SEMA3E: variants seen among roughly 807,000 people sequenced by gnomAD.
The protein encoded by SEMA3E is semaphorin 3E, also known as semaphorin-3E.
SEMA3E carries 49 observed loss-of-function variants against 93.6 expected under a neutral mutation model. The observed-to-expected ratio is 0.52, with a 90% CI of 0.42 to 0.66. The LOEUF (loss-of-function observed/expected upper bound fraction) is 0.66. SEMA3E is among the 30% of genes least tolerant of loss of function. The pLI, the probability that SEMA3E is intolerant of heterozygous loss-of-function variation, is 0.00. For synonymous variants in SEMA3E, 363 were observed against 330.7 expected, an observed-to-expected ratio of 1.10 and a Z score of -1.06; for missense variants, 906 against 964.8, an observed-to-expected ratio of 0.94 and a Z score of 0.81.
At position 83,400,177 on chromosome 7, in the gene SEMA3E, C is replaced by T; in HGVS notation, c.1217G>A (p.Arg406Lys). 5.6e-6 allele frequency: 9 copies of T among 1,613,912 alleles called. No homozygotes were observed. The highest frequency in any genetic ancestry group is 7.6e-6 in the Non-Finnish European group (9 of 1,179,938). Residue 406 changes from arginine (R) to lysine (K), a missense_variant, in exon 11 of 17, where the codon AGA becomes AAA. Coordinates refer to ENST00000643230, the MANE Select transcript of SEMA3E (RefSeq NM_012431.3). The part of the protein sequence containing the change: ...DYPDDAIRFA[R>K]SHPLMYQAIK... ...GGCCTGGTACATTAGTGGATGACTT[C>T]TTGCAAATCGGATGGCATCATCAGG...
chr7:83,590,148 A>G (rs1055823132), intron 1 of SEMA3E, among the ~76,000 whole-genome samples: 4 of 152,196 alleles, frequency 2.6e-5, no homozygotes, highest in Admixed American at 2.0e-4. Flanking sequence ...TTTTCACTGT[A>G]AAATGTCAAA....
intron 1 of SEMA3E, among the ~76,000 whole-genome samples, chr7:83,577,289 A>G (rs534907691): frequency 3.3e-5 from 5 of 152,298 alleles, no homozygotes; most frequent in Middle Eastern, 3.4e-3. Flanking sequence ...AAAAATTTGG[A>G]CAGTTTTGAA....
intron 1 of SEMA3E, among the ~76,000 whole-genome samples, chr7:83,583,181 A>C (rs972752000): frequency 6.6e-6 from 1 of 152,156 alleles, no homozygotes; most frequent in African/African-American, 2.4e-5. Context: ...GACTACATGG[A>C]GTTAAACTGA....
chr7:83,456,849 G>A (rs980679156), intron 4 of SEMA3E, among the ~76,000 whole-genome samples: 1 of 151,906 alleles, frequency 6.6e-6, no homozygotes, highest in Non-Finnish European at 1.5e-5. Flanking sequence ...CCTGACCTCA[G>A]GTGATCTGTC....
At chr7:83,514,522 G>A (rs1322953988) in intron 1 of SEMA3E, among the ~76,000 whole-genome samples, 1 of 151,996 alleles carries the variant, frequency 6.6e-6, no homozygotes, top group African/African-American at 2.4e-5. Context: ...AAAAGATCTT[G>A]TGTTGTTGTT....
intron 16 of SEMA3E, among the ~76,000 whole-genome samples, chr7:83,370,973 T>C (rs1244851991): frequency 6.6e-6 from 1 of 152,168 alleles, no homozygotes; most frequent in Non-Finnish European, 1.5e-5. Context: ...ATCCTGCTTT[T>C]GTAAATCTAG....
intron 11 of SEMA3E, among the ~76,000 whole-genome samples, chr7:83,399,702 A>G (rs1788199707): frequency 6.6e-6 from 1 of 152,184 alleles, no homozygotes; most frequent in East Asian, 1.9e-4. Context: ...TTGATCATGT[A>G]TAAGGAATTT....
At chr7:83,565,274 C>T (rs1562834755) in intron 1 of SEMA3E, among the ~76,000 whole-genome samples, 1 of 152,142 alleles carries the variant, frequency 6.6e-6, no homozygotes, top group South Asian at 2.1e-4. Flanking sequence ...AGCCATCATC[C>T]TAGCAAACTA....
chr7:83,607,782 A>G (rs1216802143), intron 1 of SEMA3E, among the ~76,000 whole-genome samples: 2 of 152,176 alleles, frequency 1.3e-5, no homozygotes, highest in Non-Finnish European at 2.9e-5. Context: ...GCCTTTTTCT[A>G]GGAAAGGCTG....
chr7:83,389,888 G>A (rs1378925990), intron 14 of SEMA3E, among the ~76,000 whole-genome samples: 5 of 106,616 alleles, frequency 4.7e-5, no homozygotes, highest in African/African-American at 1.8e-4. Flanking sequence ...ATATATACAC[G>A]TATATATTAC....
chr7:83,401,014 T>C (rs1387319649), intron 10 of SEMA3E, among the ~76,000 whole-genome samples: 19 of 152,096 alleles, frequency 1.2e-4, no homozygotes, highest in Admixed American at 1.2e-3. Flanking sequence ...AAAAACCTAT[T>C]CAGATGTTAT....
intron 1 of SEMA3E, among the ~76,000 whole-genome samples, chr7:83,515,807 C>T (rs1381007904): frequency 6.6e-6 from 1 of 152,126 alleles, no homozygotes; most frequent in Non-Finnish European, 1.5e-5. Context: ...GCAGATGGAT[C>T]ACCTGCGGTC....
intron 1 of SEMA3E, among the ~76,000 whole-genome samples, chr7:83,638,983 C>T (rs1238822711): frequency 1.3e-5 from 2 of 149,568 alleles, no homozygotes; most frequent in Non-Finnish European, 3.0e-5. Context: ...TAGTGGCGGG[C>T]GCCTGTAGTC....
At chr7:83,411,937 G>A (rs1418640791) in intron 5 of SEMA3E, among the ~76,000 whole-genome samples, 1 of 152,148 alleles carries the variant, frequency 6.6e-6, no homozygotes, top group Non-Finnish European at 1.5e-5. Context: ...TCTTTATATA[G>A]AGAAGAAAGA....
At chr7:83,545,626 G>A (rs1791632001) in intron 1 of SEMA3E, among the ~76,000 whole-genome samples, 1 of 150,382 alleles carries the variant, frequency 6.6e-6, no homozygotes, top group African/African-American at 2.4e-5. Flanking sequence ...ATGCTGTGCA[G>A]TTTGAACTTT....
intron 1 of SEMA3E, among the ~76,000 whole-genome samples, chr7:83,547,156 C>T (rs564321094): frequency 5.3e-5 from 8 of 152,172 alleles, no homozygotes; most frequent in South Asian, 2.1e-4. Context: ...GATTTAACAT[C>T]GTAAGTGTAT....
intron 1 of SEMA3E, among the ~76,000 whole-genome samples, chr7:83,646,493 T>C (rs1261137749): frequency 1.3e-5 from 2 of 152,090 alleles, no homozygotes; most frequent in Admixed American, 1.3e-4. Flanking sequence ...GTAGGAACAT[T>C]CTATTTTCAG....
chr7:83,380,581 G>A (rs1382293491), intron 16 of SEMA3E, among the ~76,000 whole-genome samples: 3 of 151,884 alleles, frequency 2.0e-5, no homozygotes, highest in Non-Finnish European at 2.9e-5. Flanking sequence ...TGGCTCAAAT[G>A]TCATCTCTGC....
chr7:83,466,645 CAT>C (rs748517351), intron 3 of SEMA3E, 44 bp from the exon 4 acceptor site: 9 of 1,606,524 alleles, frequency 5.6e-6, no homozygotes, highest in Admixed American at 1.7e-5. Flanking sequence ...GTATAATAAA[CAT>C]GTTTCGTCCT....
Sources: gnomAD v4.1 joint callset for allele counts (sites outside exome capture counted in the v4.1 genomes callset) on GRCh38, gnomAD v4.1.1 for gene constraint, MANE v1.5 for transcripts, NCBI Gene and HGNC (gene_info 2026-07-23, HGNC 2026-07-21) for gene names.